Variants in KCNQ5 observed in about 807,000 individuals in gnomAD.
KCNQ5 encodes the protein potassium voltage-gated channel subfamily KQT member 5.
KCNQ5 carries 30 observed loss-of-function variants against 98.2 expected under a neutral mutation model. That is an observed-to-expected ratio of 0.31 (90% CI 0.23 to 0.41). The LOEUF (loss-of-function observed/expected upper bound fraction) is 0.41, where lower values mean the gene tolerates loss of function less well. Ranked by LOEUF, KCNQ5 falls within the 10% of genes least tolerant of loss-of-function variation. The pLI is 1.00. For synonymous variants in KCNQ5, 458 were observed against 449.4 expected (o/e 1.02, Z -0.24); for missense variants, 835 against 1,182.5 (o/e 0.71, Z 4.31).
At chr6:72,964,762 T>C (rs1767524927) in intron 1 of KCNQ5, among the ~76,000 whole-genome samples, 1 of 152,186 alleles carries the variant, frequency 6.6e-6, no homozygotes, top group Non-Finnish European at 1.5e-5. Flanking sequence ...AAATAACACC[T>C]ATGGCACCTT....
At chr6:72,828,987 T>C (rs1732067917) in intron 1 of KCNQ5, among the ~76,000 whole-genome samples, 1 of 152,266 alleles carries the variant, frequency 6.6e-6, no homozygotes, top group African/African-American at 2.4e-5. Context: ...TTAAACATAA[T>C]GTGTATGTAT....
intron 1 of KCNQ5, among the ~76,000 whole-genome samples, chr6:72,660,651 T>C (rs1766470270): frequency 1.3e-5 from 2 of 152,224 alleles, no homozygotes; most frequent in South Asian, 2.1e-4. Flanking sequence ...ATCTTGCACT[T>C]CACTCCTCAT....
chr6:73,095,864 G>A (rs547518654), intron 5 of KCNQ5, among the ~76,000 whole-genome samples: 40 of 152,296 alleles, frequency 2.6e-4, no homozygotes, highest in African/African-American at 8.9e-4. Context: ...CAGGGGGTCT[G>A]TGGGTCCTCT....
chr6:72,888,209 T>A (rs1581961089), intron 1 of KCNQ5, among the ~76,000 whole-genome samples: 1 of 152,156 alleles, frequency 6.6e-6, no homozygotes, highest in African/African-American at 2.4e-5. Context: ...GGTAAGTTAA[T>A]GCATCCTAGG....
chr6:72,929,422 A>C (rs1168283034), intron 1 of KCNQ5, among the ~76,000 whole-genome samples: 2 of 152,158 alleles, frequency 1.3e-5, no homozygotes, highest in Non-Finnish European at 2.9e-5. Flanking sequence ...TTGTCTGGGC[A>C]CATGGAAATA....
intron 1 of KCNQ5, among the ~76,000 whole-genome samples, chr6:72,643,957 G>A (rs2154472115): frequency 6.6e-6 from 1 of 152,112 alleles, no homozygotes; most frequent in East Asian, 1.9e-4. Flanking sequence ...AGGGAATACT[G>A]CATCCTTTGA....
At chr6:73,095,782 G>A (rs969643333) in intron 5 of KCNQ5, among the ~76,000 whole-genome samples, 18 of 152,146 alleles carry the variant, frequency 1.2e-4, no homozygotes, top group Non-Finnish European at 2.1e-4. Flanking sequence ...CCATCTGTGG[G>A]TTTCTCAGCC....
At position 72,622,990 on chromosome 6, in the gene KCNQ5, G is replaced by T. The variant is rs2098916219; in HGVS notation, c.398+403G>T. Among the ~76,000 whole-genome samples the T allele has an allele frequency of 6.6e-6, 1 of 152,144 alleles. No homozygotes were observed. Among genetic ancestry groups the T allele is most frequent in the African/African-American group, 2.4e-5 (1 of 41,434 alleles). ...CCCGTGTGAGGCTTGAGAGTATACT[G>T]GAGAGGTTAGGAGGTGATGGCGGGG... On this transcript the variant is annotated intron_variant, in intron 1 of 13. Transcript: ENST00000370398. The surrounding 1 kb of genome is among the most constrained non-coding windows in gnomAD (Gnocchi z 6.0).
At chr6:72,695,685 T>C (rs1239903808) in intron 1 of KCNQ5, among the ~76,000 whole-genome samples, 1 of 152,174 alleles carries the variant, frequency 6.6e-6, no homozygotes, top group Non-Finnish European at 1.5e-5. Flanking sequence ...TATAAATATA[T>C]ATGTGCAAAC....
intron 10 of KCNQ5, among the ~76,000 whole-genome samples, chr6:73,168,594 T>C (rs187462480): frequency 3.9e-5 from 6 of 152,216 alleles, no homozygotes; most frequent in Admixed American, 1.3e-4. Context: ...TCCCAGCTAC[T>C]TGCGGGGCTG....
At chr6:72,941,397 T>A (rs1766250625) in intron 1 of KCNQ5, among the ~76,000 whole-genome samples, 1 of 123,200 alleles carries the variant, frequency 8.1e-6, no homozygotes, top group African/African-American at 2.7e-5. Flanking sequence ...CCTTCCTCCT[T>A]TCCTCCTTCC....
intron 1 of KCNQ5, among the ~76,000 whole-genome samples, chr6:72,752,590 T>C (rs1164808903): frequency 6.6e-6 from 1 of 152,114 alleles, no homozygotes; most frequent in African/African-American, 2.4e-5. Flanking sequence ...TCTGTGAGTC[T>C]CCAAGTTGTA....
At chr6:73,044,468 A>C (rs1771863392) in intron 3 of KCNQ5, among the ~76,000 whole-genome samples, 1 of 152,198 alleles carries the variant, frequency 6.6e-6, no homozygotes, top group African/African-American at 2.4e-5. Flanking sequence ...GATAATTATG[A>C]ATTTTTTAGT....
chr6:72,634,228 A>G (rs913259048), intron 1 of KCNQ5, among the ~76,000 whole-genome samples: 4 of 152,178 alleles, frequency 2.6e-5, no homozygotes, highest in African/African-American at 9.7e-5. Flanking sequence ...AAAATGCCTT[A>G]TTACCTAGAA....
At chr6:73,048,027 A>T (rs151282397) in intron 3 of KCNQ5, among the ~76,000 whole-genome samples, 282 of 152,364 alleles carry the variant, frequency 1.9e-3, no homozygotes, top group African/African-American at 6.4e-3. Flanking sequence ...ATGCTTATGG[A>T]TGCTGGAGAG....
In KCNQ5 at chr6:72,824,836, A is replaced by G. The variant is rs551787720; in HGVS notation, c.399-179072A>G. On this transcript the variant is annotated intron_variant, in intron 1 of 13. Transcript: ENST00000370398. The stretch of plus-strand genomic sequence containing the variant: ...CTCTCTCATCTTTATACTATAGATT[A>G]TAAAATTTGGATACGTAAATAGTCA... Among the ~76,000 whole-genome samples, 3 of 152,084 alleles carry G rather than the reference A, an allele frequency of 2.0e-5. No homozygotes were observed. In the South Asian group the frequency reaches 6.2e-4, roughly 32 times the overall value.
chr6:73,065,162 C>T (rs1305452725), intron 3 of KCNQ5, among the ~76,000 whole-genome samples: 1 of 152,070 alleles, frequency 6.6e-6, no homozygotes. Context: ...TTAACATGGC[C>T]ATAACGGACA....
chr6:72,940,538 G>A (rs925099441), intron 1 of KCNQ5, among the ~76,000 whole-genome samples: 1 of 152,204 alleles, frequency 6.6e-6, no homozygotes, highest in African/African-American at 2.4e-5. Flanking sequence ...GTGTGACTAG[G>A]ATTCTGGGAT....
At chr6:72,987,749 A>C in intron 1 of KCNQ5, 1 of 507,036 alleles carries the variant, frequency 2.0e-6, no homozygotes, top group South Asian at 2.1e-5. Context: ...CTGGAAGATT[A>C]AACTCTAGAG....
Sources: allele counts gnomAD v4.1 joint callset (sites outside exome capture counted in the v4.1 genomes callset), GRCh38; gene constraint gnomAD v4.1.1; non-coding constraint Gnocchi (gnomAD v3.1); transcripts MANE v1.5; gene names NCBI Gene and HGNC (gene_info 2026-07-23, HGNC 2026-07-21).